The following ITGB3BP variants were observed in gnomAD, a reference collection of about 807,000 sequenced individuals.
ITGB3BP encodes the protein integrin subunit beta 3 binding protein, also known as centromere protein R.
In ITGB3BP, 27 loss-of-function variants were observed where a neutral mutation model predicts 29.1. The observed-to-expected ratio is 0.93, with a 90% CI of 0.68 to 1.28. The LOEUF (loss-of-function observed/expected upper bound fraction) is 1.28. ITGB3BP is among the 50% of genes most tolerant of loss of function. ITGB3BP has a pLI of 0.00. For synonymous variants in ITGB3BP, 61 were observed against 61.4 expected, an observed-to-expected ratio of 0.99 and a Z score of 0.03; for missense variants, 192 against 200.2, an observed-to-expected ratio of 0.96 and a Z score of 0.25.
Position 63,454,459 on chromosome 1 carries a change from A to G in ITGB3BP, c.348T>C (p.Ser116=). The G allele has an allele frequency of 6.3e-7, 1 of 1,590,522 alleles. No homozygotes were observed. Among genetic ancestry groups the G allele is most frequent in the South Asian group, 1.1e-5 (1 of 89,108 alleles). ...NLSSIQALEG[S]RELENLIGIS... ...TTCCAATGAGATTTTCAAGCTCTCT[A>G]CTGCCCTCCAAAGCCTACAAGAAAG... The change falls in exon 6 of 9, where the codon AGT becomes AGC. Residue 116 remains serine (S), a synonymous_variant. Coordinates refer to ENST00000271002, the MANE Select transcript of ITGB3BP (RefSeq NM_014288.5). This position sits in a 1 kb window ranked among gnomAD's most constrained non-coding sequence, Gnocchi z 4.1.
chr1:63,510,646 C>G (rs943192865), intron 1 of ITGB3BP, among the ~76,000 whole-genome samples: 14 of 152,240 alleles, frequency 9.2e-5, no homozygotes, highest in Admixed American at 6.5e-4. Flanking sequence ...TAAGAAATCA[C>G]TTAGTTCAGC....
intron 3 of ITGB3BP, among the ~76,000 whole-genome samples, chr1:63,486,841 G>C (rs1360751086): frequency 6.6e-6 from 1 of 151,952 alleles, no homozygotes; most frequent in Non-Finnish European, 1.5e-5. Context: ...ATTTACTTGA[G>C]AGACACATTA....
At chr1:63,482,478 T>G (rs1645455589) in intron 3 of ITGB3BP, among the ~76,000 whole-genome samples, 1 of 151,838 alleles carries the variant, frequency 6.6e-6, no homozygotes, top group African/African-American at 2.4e-5. Context: ...AGTTAGTAAC[T>G]TCTTTCTAAA....
intron 7 of ITGB3BP, among the ~76,000 whole-genome samples, chr1:63,448,009 G>A (rs1440859400): frequency 2.6e-5 from 4 of 151,820 alleles, no homozygotes; most frequent in Non-Finnish European, 4.4e-5. Flanking sequence ...ATAAAAAATG[G>A]TGAGTTCATG....
At chr1:63,497,787 G>A (rs528377485) in intron 2 of ITGB3BP, among the ~76,000 whole-genome samples, 13 of 152,252 alleles carry the variant, frequency 8.5e-5, no homozygotes, top group Non-Finnish European at 1.6e-4. Context: ...TCCCTTCCCC[G>A]TCTTCCTGAA....
intron 1 of ITGB3BP, among the ~76,000 whole-genome samples, chr1:63,512,124 G>C (rs1159606010): frequency 6.6e-6 from 1 of 151,856 alleles, no homozygotes; most frequent in Non-Finnish European, 1.5e-5. Flanking sequence ...AGGTATACTA[G>C]GTTTAGATTC....
intron 1 of ITGB3BP, among the ~76,000 whole-genome samples, chr1:63,516,712 G>GAAAAAAAAAAAAAAAAAAAAAAA (rs60397963): frequency 1.7e-5 from 2 of 115,904 alleles, no homozygotes; most frequent in Non-Finnish European, 3.3e-5. Context: ...CTTGTTTCAT[G>GAAAAAAAAAAAAAAAAAAAAAAA]AAAAAAAAAA....
chr1:63,487,500 T>G (rs1645553755), intron 3 of ITGB3BP, among the ~76,000 whole-genome samples: 1 of 152,148 alleles, frequency 6.6e-6, no homozygotes, highest in African/African-American at 2.4e-5. Context: ...CTCATTGTTG[T>G]GCAAACATCG....
chr1:63,480,529 T>C (rs931390800), intron 3 of ITGB3BP, among the ~76,000 whole-genome samples: 1 of 152,078 alleles, frequency 6.6e-6, no homozygotes, highest in African/African-American at 2.4e-5. Context: ...TGTTCACCAC[T>C]AATGAAAAAC....
intron 8 of ITGB3BP, among the ~76,000 whole-genome samples, chr1:63,444,636 T>TATATTAC (rs1249086645): frequency 6.8e-6 from 1 of 147,174 alleles, no homozygotes; most frequent in Non-Finnish European, 1.5e-5. Context: ...ATAGGAGATA[T>TATATTAC]ATATATATCT....
chr1:63,455,094 T>C, intron 4 of ITGB3BP, 126 bp from the exon 5 acceptor site: 1 of 565,716 alleles, frequency 1.8e-6, no homozygotes, highest in Non-Finnish European at 3.2e-6. Context: ...ACAAACACAA[T>C]ATATATTATC....
upstream of ITGB3BP, among the ~76,000 whole-genome samples, chr1:63,524,228 C>G (rs767067514): frequency 6.6e-6 from 1 of 152,192 alleles, no homozygotes; most frequent in Non-Finnish European, 1.5e-5. Flanking sequence ...GAAATTCATT[C>G]TCCCTTACTT....
chr1:63,477,426 A>G (rs1645359540), intron 4 of ITGB3BP, among the ~76,000 whole-genome samples: 1 of 152,216 alleles, frequency 6.6e-6, no homozygotes, highest in Non-Finnish European at 1.5e-5. Context: ...GCATAAGATC[A>G]TAAGCTCCCA....
At chr1:63,459,991 T>C (rs1644990187) in intron 4 of ITGB3BP, among the ~76,000 whole-genome samples, 1 of 151,894 alleles carries the variant, frequency 6.6e-6, no homozygotes, top group South Asian at 2.1e-4. Context: ...ATCTGGTCAA[T>C]ATAAATAAAA....
intron 1 of ITGB3BP, among the ~76,000 whole-genome samples, chr1:63,516,366 A>AGG (rs71052487): frequency 6.0e-4 from 40 of 66,628 alleles, no homozygotes; most frequent in East Asian, 5.1e-3. Flanking sequence ...GTGGGGGAGA[A>AGG]GGGGGGGGGA....
chr1:63,527,499 C>CT (rs34103744), upstream of ITGB3BP, among the ~76,000 whole-genome samples: 1 of 122,218 alleles, frequency 8.2e-6, no homozygotes, highest in Non-Finnish European at 1.7e-5. Context: ...CTTTAAGTTC[C>CT]TTTTTTGTCA....
intron 4 of ITGB3BP, among the ~76,000 whole-genome samples, chr1:63,477,986 C>T (rs368285066): frequency 2.3e-3 from 353 of 152,260 alleles, no homozygotes; most frequent in African/African-American, 8.2e-3. Context: ...GCTCAAGTCT[C>T]CTATATAAAA....
chr1:63,473,227 C>T (rs552186836), intron 4 of ITGB3BP, among the ~76,000 whole-genome samples: 62 of 150,896 alleles, frequency 4.1e-4, no homozygotes, highest in African/African-American at 1.4e-3. Flanking sequence ...AGTGAGGAAA[C>T]CCTCTGCCTG....
In ITGB3BP at chr1:63,518,784, T is replaced by G. The variant is rs563461715; in HGVS notation, c.5+4345A>C. On this transcript the variant is annotated intron_variant, in intron 1 of 8. Transcript: ENST00000271002. ...ATTTGTCCCATCTGTTTTTGTTCCT[T>G]TGTTCTTTTTTACCTGCCTTCTTTT... is the stretch of plus-strand genomic sequence containing the variant. Among the ~76,000 whole-genome samples, 12 of 152,274 alleles carry G rather than the reference T, an allele frequency of 7.9e-5. 1 individual carries two copies. Among genetic ancestry groups the G allele is most frequent in the African/African-American group, 2.9e-4 (12 of 41,584 alleles).
Sources: allele counts gnomAD v4.1 joint callset (sites outside exome capture counted in the v4.1 genomes callset), GRCh38; gene constraint gnomAD v4.1.1; non-coding constraint Gnocchi (gnomAD v3.1); transcripts MANE v1.5; gene names NCBI Gene and HGNC (gene_info 2026-07-23, HGNC 2026-07-21).